Variants in GRIK2 observed in about 807,000 individuals in gnomAD.
GRIK2 encodes the protein glutamate receptor ionotropic, kainate 2.
Under a neutral mutation model 100.3 loss-of-function variants are expected in GRIK2, and 32 were observed. The observed-to-expected ratio is 0.32, with a 90% CI of 0.24 to 0.43. The LOEUF (loss-of-function observed/expected upper bound fraction) is 0.43. Among genes scored for constraint, GRIK2 ranks in the 20% least tolerant of loss-of-function variants. The pLI, the probability that GRIK2 is intolerant of heterozygous loss-of-function variation, is 1.00. For missense variants in GRIK2, 843 were observed against 1,114.9 expected (o/e 0.76, Z 3.47); for synonymous variants, 417 against 389.4 (o/e 1.07, Z -0.83).
intron 2 of GRIK2, among the ~76,000 whole-genome samples, chr6:101,612,406 T>A (rs1250175687): frequency 6.6e-6 from 1 of 151,892 alleles, no homozygotes; most frequent in Non-Finnish European, 1.5e-5. Context: ...TTTGATGACT[T>A]TTTATTAATG....
rs565817866 is a variant in GRIK2, at chr6:101,889,130, A to G, written c.1525-510A>G. On this transcript the variant is annotated intron_variant, in intron 11 of 16. Transcript: ENST00000369134. The stretch of plus-strand genomic sequence containing the variant: ...CACACTGAGAGATGTTTCAAACAAT[A>G]TTTTAACTATTTAAAGACTAAAATC... Among the ~76,000 whole-genome samples the G allele has an allele frequency of 4.6e-5, 7 of 152,256 alleles. No individual in the cohort carries two copies. The South Asian group carries it at 1.5e-3, about 32-fold the overall frequency.
intron 2 of GRIK2, among the ~76,000 whole-genome samples, chr6:101,485,395 T>G (rs1772765696): frequency 6.6e-6 from 1 of 152,324 alleles, no homozygotes; most frequent in East Asian, 1.9e-4. Context: ...TAAATTAACT[T>G]TAATACTTTT....
At chr6:102,065,890 T>C in intron 16 of GRIK2, 1 of 1,438,612 alleles carries the variant, frequency 7.0e-7, no homozygotes. Context: ...ACCATCTTCA[T>C]CATCATTATC....
intron 6 of GRIK2, among the ~76,000 whole-genome samples, chr6:101,685,412 G>T (rs1251121749): frequency 6.6e-6 from 1 of 152,004 alleles, no homozygotes; most frequent in Non-Finnish European, 1.5e-5. Flanking sequence ...TCTCAATATT[G>T]TCCATAAGTT....
chr6:101,482,348 A>T (rs1437861885), intron 2 of GRIK2, among the ~76,000 whole-genome samples: 2 of 152,182 alleles, frequency 1.3e-5, no homozygotes, highest in Admixed American at 6.6e-5. Flanking sequence ...AACAGGGATT[A>T]TCAGTGATAC....
chr6:101,503,173 T>A (rs1046494126), intron 2 of GRIK2, among the ~76,000 whole-genome samples: 2 of 152,092 alleles, frequency 1.3e-5, no homozygotes, highest in Non-Finnish European at 2.9e-5. Context: ...ATACCTTAAG[T>A]GTTTTTTTTG....
chr6:102,047,018 CA>C (rs1252176425), intron 15 of GRIK2, among the ~76,000 whole-genome samples: 9 of 151,950 alleles, frequency 5.9e-5, no homozygotes, highest in Non-Finnish European at 1.3e-4. Context: ...AAACAAATGA[CA>C]GTAGAAACAT....
rs1781773308 is a variant in GRIK2, at chr6:101,818,590, G to A, written c.1317+107G>A. Reference sequence around the variant, plus strand: ...AGCAATGAACAGAATGTATTTTACAGTTATTTAGCAATTACTGTACAACAG... The same window carrying A: ...AGCAATGAACAGAATGTATTTTACAATTATTTAGCAATTACTGTACAACAG... On this transcript the variant is annotated intron_variant, in intron 10 of 16. Transcript: ENST00000369134. 1.5e-5 allele frequency: 10 copies of A among 654,034 alleles called. No homozygotes were observed. The South Asian group carries it at 1.9e-4, about 12-fold the overall frequency. The allele number at this position is 654,034 out of a possible 1,614,324, so 40.5% of individuals were successfully genotyped here.
chr6:101,955,117 C>T (rs926852916), intron 14 of GRIK2, among the ~76,000 whole-genome samples: 1 of 151,940 alleles, frequency 6.6e-6, no homozygotes, highest in Admixed American at 6.6e-5. Flanking sequence ...TTTGTTGATA[C>T]ATTTTGCATC....
rs191127111 is a variant in GRIK2 at position 101,995,040 on chromosome 6, T to C, written c.2086-40301T>C. Among the ~76,000 whole-genome samples, 47 of 152,076 alleles carry C rather than the reference T, an allele frequency of 3.1e-4. 1 individual carries two copies. The highest frequency in any genetic ancestry group is 1.1e-3 in the African/African-American group (44 of 41,544). ...TGTGATATAGATTCTTATTATTTTATCTTATTTGAAAACTACTAAATTGTC... is the reference window on the plus strand; with the variant it reads ...TGTGATATAGATTCTTATTATTTTACCTTATTTGAAAACTACTAAATTGTC... On this transcript the variant is annotated intron_variant, in intron 14 of 16. Transcript: ENST00000369134.
At chr6:101,399,893 C>CT in intron 2 of GRIK2, among the ~76,000 whole-genome samples, 1 of 152,332 alleles carries the variant, frequency 6.6e-6, no homozygotes, top group East Asian at 1.9e-4. Flanking sequence ...CTTTTGATTT[C>CT]TTTTTCCAGA....
chr6:101,864,342 C>T (rs1381241873), intron 11 of GRIK2, among the ~76,000 whole-genome samples: 1 of 152,084 alleles, frequency 6.6e-6, no homozygotes, highest in Non-Finnish European at 1.5e-5. Context: ...TGATGCAGAT[C>T]CCTCTGTAGA....
chr6:101,615,976 C>T (rs901322675), intron 2 of GRIK2, among the ~76,000 whole-genome samples: 28 of 151,852 alleles, frequency 1.8e-4, no homozygotes, highest in African/African-American at 6.3e-4. Context: ...TGCCCATCTT[C>T]ACATCTGCAG....
At chr6:101,455,276 AT>A (rs1160222728) in intron 2 of GRIK2, among the ~76,000 whole-genome samples, 1 of 151,948 alleles carries the variant, frequency 6.6e-6, no homozygotes, top group Non-Finnish European at 1.5e-5. Context: ...TGTTGGTTCT[AT>A]TTTTTTCTTA....
At chr6:101,993,691 T>A (rs1794495936) in intron 14 of GRIK2, 1 of 150,294 alleles carries the variant, frequency 6.7e-6, no homozygotes, top group Non-Finnish European at 1.5e-5. Context: ...AATATGTACA[T>A]ATTTATCTAT....
intron 7 of GRIK2, among the ~76,000 whole-genome samples, chr6:101,728,611 A>T (rs1354714761): frequency 4.0e-5 from 6 of 151,786 alleles, no homozygotes; most frequent in Non-Finnish European, 1.5e-5. Flanking sequence ...AGTCTTGGTT[A>T]CTTACCTTAT....
At chr6:101,442,758 A>G (rs1048545170) in intron 2 of GRIK2, among the ~76,000 whole-genome samples, 2 of 152,132 alleles carry the variant, frequency 1.3e-5, no homozygotes, top group Non-Finnish European at 2.9e-5. Context: ...GCCAATACAT[A>G]AATGATTGGT....
intron 2 of GRIK2, among the ~76,000 whole-genome samples, chr6:101,600,147 G>T (rs558972714): frequency 6.6e-6 from 1 of 151,858 alleles, no homozygotes; most frequent in East Asian, 1.9e-4. Context: ...ACAACTTATT[G>T]AATAGGGAGT....
In GRIK2 at chr6:101,451,420, C is replaced by G. The variant is rs184411857; in HGVS notation, c.115+52028C>G. Among the ~76,000 whole-genome samples, 62 of 151,566 alleles carry G rather than the reference C, an allele frequency of 4.1e-4. 1 individual carries two copies. The highest frequency in any genetic ancestry group is 1.4e-3 in the African/African-American group (60 of 41,408). ...GGGCCGTATGGTTATCATTCTTATG[C>G]CTTTCATAGCTACTAGCAGTCATTT... On this transcript the variant is annotated intron_variant, in intron 2 of 16. Transcript: ENST00000369134.
Sources: allele counts gnomAD v4.1 joint callset (sites outside exome capture counted in the v4.1 genomes callset), GRCh38; gene constraint gnomAD v4.1.1; transcripts MANE v1.5; gene names NCBI Gene and HGNC (gene_info 2026-07-23, HGNC 2026-07-21).